WRN: variants seen among roughly 807,000 people sequenced by gnomAD.
WRN encodes the protein WRN RecQ like helicase.
In WRN, 149 loss-of-function variants were observed where a neutral mutation model predicts 180.7. The observed-to-expected ratio is 0.82, with a 90% CI of 0.72 to 0.94. The LOEUF (loss-of-function observed/expected upper bound fraction) is 0.94. Ranked by LOEUF, WRN falls within the 40% of genes least tolerant of loss-of-function variation. The pLI is 0.00. For missense variants in WRN, 1,661 were observed against 1,700.1 expected, an observed-to-expected ratio of 0.98 and a Z score of 0.40; for synonymous variants, 548 against 568.9, an observed-to-expected ratio of 0.96 and a Z score of 0.52.
rs538791019 is a variant in WRN at position 31,042,786 on chromosome 8, A to C, written c.-77+8813A>C. 2.6e-5 allele frequency among the ~76,000 whole-genome samples: 4 copies of C among 152,342 alleles called. No individual in the cohort carries two copies. In the South Asian group the frequency reaches 8.3e-4, roughly 32 times the overall value. ...CATATCTAGGAATCTATCCTATAGA[A>C]ATGATAGGAATGCCTTACAATACCC... On this transcript the variant is annotated intron_variant, in intron 1 of 34. Transcript: ENST00000298139.
intron 18 of WRN, among the ~76,000 whole-genome samples, chr8:31,108,085 A>C (rs1472657111): frequency 6.6e-6 from 1 of 152,248 alleles, no homozygotes; most frequent in African/African-American, 2.4e-5. Context: ...ACACCATTGA[A>C]GTATATGTCT....
intron 7 of WRN, among the ~76,000 whole-genome samples, chr8:31,074,936 T>C (rs1320967177): frequency 6.6e-6 from 1 of 152,128 alleles, no homozygotes; most frequent in Non-Finnish European, 1.5e-5. Flanking sequence ...ATAGGGATGC[T>C]GGTGTTCTCA....
At chr8:31,103,567 TCG>T (rs386724132) in intron 18 of WRN, among the ~76,000 whole-genome samples, 76,530 of 151,572 alleles carry the variant, frequency 0.5, 19,977 homozygotes, top group South Asian at 0.68. Flanking sequence ...TGACTATTTT[TCG>T]GTGGTCTGTT....
intron 13 of WRN, among the ~76,000 whole-genome samples, chr8:31,090,216 A>G (rs1468305828): frequency 6.6e-6 from 1 of 150,576 alleles, no homozygotes; most frequent in African/African-American, 2.4e-5. Context: ...TATGAAGCTT[A>G]GAATCTGTTT....
chr8:31,130,015 C>CAAAAAAAAAAAAAA (rs140033395), intron 23 of WRN, among the ~76,000 whole-genome samples: 2 of 128,656 alleles, frequency 1.6e-5, no homozygotes, highest in Non-Finnish European at 3.1e-5. Context: ...AAAAAAAAAA[C>CAAAAAAAAAAAAAA]AAAACAAAAC....
intron 10 of WRN, among the ~76,000 whole-genome samples, chr8:31,084,079 A>G (rs1463352692): frequency 2.6e-5 from 4 of 152,102 alleles, no homozygotes; most frequent in South Asian, 4.1e-4. Flanking sequence ...GCTCACTGCA[A>G]CCTTCACCTC....
At chr8:31,036,012 T>C (rs1002563919) in intron 1 of WRN, among the ~76,000 whole-genome samples, 4 of 152,166 alleles carry the variant, frequency 2.6e-5, no homozygotes, top group African/African-American at 9.7e-5. Flanking sequence ...CCTCTCTTCA[T>C]TCCCACCACC....
chr8:31,080,061 A>G (rs986900010), intron 8 of WRN, among the ~76,000 whole-genome samples: 9 of 152,082 alleles, frequency 5.9e-5, no homozygotes, highest in Non-Finnish European at 1.0e-4. Context: ...TTGTATTTTT[A>G]GTAGAGACAG....
chr8:31,100,808 G>A lies in WRN; in HGVS notation c.1982-41G>A, dbSNP rs139962455. ...GTAGATGAGTTTATTTTTTCCTTTC[G>A]AGCTTTATCTTTTCCTTTATGTGTT... On this transcript the variant is annotated intron_variant, in intron 17 of 34. Transcript: ENST00000298139. The A allele has an allele frequency of 2.0e-4, 311 of 1,543,270 alleles. 1 individual carries two copies. In the East Asian group the frequency reaches 5.8e-3, roughly 29 times the overall value.
At position 31,157,509 on chromosome 8, in the gene WRN, C is replaced by T. The variant is rs1303126572; in HGVS notation, c.3961C>T (p.Arg1321Ter). 9 of 1,613,944 alleles carry T rather than the reference C, an allele frequency of 5.6e-6. No homozygotes were observed. The highest frequency in any genetic ancestry group is 1.3e-5 in the African/African-American group (1 of 74,906). Residue 1321 changes from arginine (R) to a stop codon, truncating the protein, a stop_gained, in exon 33 of 35, where the codon CGA becomes TGA. Transcript: ENST00000298139. LOFTEE classifies it high-confidence loss of function. Reference protein sequence around the residue: ...EVQKIIADVIRNPPVNSDMSK... With the variant: ...EVQKIIADVI ...TCAGAAGATTATTGCTGATGTTATC[C>T]GAAACCCTCCCGTCAACTCAGGTGA... is the stretch of plus-strand genomic sequence containing the variant.
intron 1 of WRN, among the ~76,000 whole-genome samples, chr8:31,038,056 A>T (rs562155577): frequency 6.6e-6 from 1 of 152,158 alleles, no homozygotes; most frequent in South Asian, 2.1e-4. Flanking sequence ...TGTTATTAAC[A>T]TTGGTGTACA....
intron 16 of WRN, among the ~76,000 whole-genome samples, chr8:31,093,693 C>T (rs1416861756): frequency 6.6e-6 from 1 of 152,134 alleles, no homozygotes; most frequent in African/African-American, 2.4e-5. Context: ...CAGGTATGCA[C>T]TCATGAAACC....
intron 23 of WRN, among the ~76,000 whole-genome samples, chr8:31,127,920 ACT>A (rs1177948211): frequency 2.6e-5 from 4 of 151,732 alleles, no homozygotes; most frequent in South Asian, 2.1e-4. Context: ...TCAGAGTAAG[ACT>A]CTGTCTCACA....
At chr8:31,093,170 G>C (rs772438977) in intron 16 of WRN, among the ~76,000 whole-genome samples, 1 of 152,044 alleles carries the variant, frequency 6.6e-6, no homozygotes, top group African/African-American at 2.4e-5. Flanking sequence ...AACTCCTGGC[G>C]TCAGGATTGT....
At chr8:31,171,362 G>A (rs1488522736) in intron 34 of WRN, 3 of 151,798 alleles carry the variant, frequency 2.0e-5, no homozygotes, top group Admixed American at 6.6e-5. Context: ...TAAAAAGTGG[G>A]CAAAGGACTT....
intron 16 of WRN, among the ~76,000 whole-genome samples, chr8:31,092,676 T>C (rs1259937406): frequency 3.3e-5 from 5 of 151,932 alleles, no homozygotes; most frequent in Non-Finnish European, 7.4e-5. Flanking sequence ...GATAAATGCA[T>C]ACAAAGATGT....
rs1804191842 is a variant in WRN at position 31,173,972 on chromosome 8, A to C, written c.*870A>C. On this transcript the variant is annotated 3_prime_UTR_variant, in exon 35 of 35. Coordinates refer to ENST00000298139, the MANE Select transcript of WRN (RefSeq NM_000553.6). ...CCTTTGATTGGCTTTTTTGTAAATA[A>C]AAATAACTTGTTAAGAAACAAATAT... is the stretch of plus-strand genomic sequence containing the variant. 6.6e-6 allele frequency among the ~76,000 whole-genome samples: 1 copy of C among 152,208 alleles called. No homozygotes were observed. Among genetic ancestry groups the C allele is most frequent in the Non-Finnish European group, 1.5e-5 (1 of 68,032 alleles).
At position 31,088,953 on chromosome 8, in the gene WRN, C is replaced by A; in HGVS notation, c.1640C>A (p.Ser547Tyr). ...TGCCTCAAGATGTACTTTGGCCATTCCAGTTTTAAACCGTGAGTATAATCT... is the reference window on the plus strand; with the variant it reads ...TGCCTCAAGATGTACTTTGGCCATTACAGTTTTAAACCGTGAGTATAATCT... The part of the protein sequence containing the change: ...VTCLKMYFGH[S>Y]SFKPVQWKVI... Residue 547 changes from serine to tyrosine, a missense_variant, in exon 13 of 35, where the codon TCC (serine) becomes TAC (tyrosine). Physicochemically the swap from Ser to Tyr is moderately radical, Grantham distance 144. This residue lies in a region of WRN where 1,141 missense variants were observed against 1,149.4 expected (regional missense o/e 0.99). Transcript: ENST00000298139. The A allele has an allele frequency of 1.2e-6, 2 of 1,610,592 alleles. No individual in the cohort carries two copies. The highest frequency in any genetic ancestry group is 1.7e-6 in the Non-Finnish European group (2 of 1,178,202).
intron 12 of WRN, among the ~76,000 whole-genome samples, chr8:31,088,578 A>T (rs1456532407): frequency 1.3e-5 from 2 of 152,026 alleles, no homozygotes; most frequent in Non-Finnish European, 2.9e-5. Context: ...TAACATTTGG[A>T]TTGGTATATT....
Sources: allele counts gnomAD v4.1 joint callset (sites outside exome capture counted in the v4.1 genomes callset), GRCh38; gene constraint gnomAD v4.1.1; regional missense constraint gnomAD v4.1.1; transcripts MANE v1.5; gene names NCBI Gene and HGNC (gene_info 2026-07-23, HGNC 2026-07-21).